KAZN: variants seen among roughly 807,000 people sequenced by gnomAD.
The protein encoded by KAZN is kazrin, periplakin interacting protein.
A neutral mutation model predicts 87.4 loss-of-function variants in KAZN; 40 were observed. That is an observed-to-expected ratio of 0.46 (90% CI 0.36 to 0.60). The LOEUF is 0.60. Among genes scored for constraint, KAZN ranks in the 20% least tolerant of loss-of-function variants. The pLI, the probability that KAZN is intolerant of heterozygous loss-of-function variation, is 0.00. For synonymous variants in KAZN, 466 were observed against 458.3 expected (o/e 1.02, Z -0.22); for missense variants, 898 against 1,073.9 (o/e 0.84, Z 2.29).
chr1:14,938,280 G>A (rs1040026051), intron 1 of KAZN, among the ~76,000 whole-genome samples: 1 of 152,158 alleles, frequency 6.6e-6, no homozygotes, highest in African/African-American at 2.4e-5. Context: ...GGTGGCTCAC[G>A]CCTGTAATCC....
At chr1:15,053,259 G>A (rs888926579) in intron 4 of KAZN, among the ~76,000 whole-genome samples, 7 of 152,316 alleles carry the variant, frequency 4.6e-5, no homozygotes, top group Middle Eastern at 3.4e-3. Flanking sequence ...GGCAGGTGCC[G>A]CCACCGACTC....
At chr1:14,667,925 A>C (rs1355391275) in intron 1 of KAZN, among the ~76,000 whole-genome samples, 1 of 152,114 alleles carries the variant, frequency 6.6e-6, no homozygotes, top group African/African-American at 2.4e-5. Context: ...GATTCTCTAC[A>C]CTTAACACCT....
chr1:14,665,932 CAAAAAAA>C (rs60081619), intron 1 of KAZN, among the ~76,000 whole-genome samples: 1 of 108,028 alleles, frequency 9.3e-6, no homozygotes, highest in East Asian at 2.6e-4. Context: ...AAGCTTTGCT[CAAAAAAA>C]AAAAAAAAAA....
intron 2 of KAZN, among the ~76,000 whole-genome samples, chr1:14,347,644 C>T (rs1329554329): frequency 6.6e-6 from 1 of 151,988 alleles, no homozygotes; most frequent in African/African-American, 2.4e-5. Flanking sequence ...TACAATGAGT[C>T]CATTTGTATG....
chr1:14,456,401 C>T lies in KAZN; in HGVS notation c.250-142582C>T, dbSNP rs541786202. Reference sequence around the variant, plus strand: ...AGGAATAGTACTCTTAGTAGATATTCGAAAAATATTTGTTGAGTTTTTTTT... The same window carrying T: ...AGGAATAGTACTCTTAGTAGATATTTGAAAAATATTTGTTGAGTTTTTTTT... On this transcript the variant is annotated intron_variant, in intron 2 of 16. Coordinates refer to the KAZN transcript ENST00000636203. Among the ~76,000 whole-genome samples, 109 of 151,896 alleles carry T rather than the reference C, an allele frequency of 7.2e-4. No homozygotes were observed. The South Asian group carries it at 0.014, about 20-fold the overall frequency.
chr1:14,499,750 G>A (rs2148424968), intron 2 of KAZN, among the ~76,000 whole-genome samples: 1 of 152,260 alleles, frequency 6.6e-6, no homozygotes, highest in South Asian at 2.1e-4. Flanking sequence ...CACAGTCCTG[G>A]CAGTGACCCT....
At chr1:14,870,923 C>T (rs1395062373) in intron 1 of KAZN, among the ~76,000 whole-genome samples, 3 of 152,172 alleles carry the variant, frequency 2.0e-5, no homozygotes, top group Non-Finnish European at 4.4e-5. Context: ...TATGAATGGC[C>T]GCCTCCACAC....
intron 1 of KAZN, among the ~76,000 whole-genome samples, chr1:14,865,159 TGCCCAAGGTCAGGGAC>T: frequency 6.6e-6 from 1 of 152,306 alleles, no homozygotes; most frequent in East Asian, 1.9e-4. Flanking sequence ...CTCTGCCTCT[TGCCCAAGGTCAGGGAC>T]ACCGTTCTCA....
In KAZN at chr1:14,344,163, C is replaced by CTTTTTT. The variant is rs55837460; in HGVS notation, c.249+163583_249+163588dup. Among the ~76,000 whole-genome samples, 106 of 122,596 alleles carry CTTTTTT rather than the reference C, an allele frequency of 8.6e-4. 2 individuals carry two copies. Among genetic ancestry groups the CTTTTTT allele is most frequent in the African/African-American group, 2.3e-3 (76 of 32,948 alleles). The allele number at this position is 122,596 out of a possible 152,430, so 80.4% of individuals were successfully genotyped here. A position where few individuals can be genotyped will look rare whatever the true frequency, so the allele number is the denominator to read the frequency against. ...TGATTCACTTATCCATTCATGTATT[C>CTTTTTT]TTTTTTTTTTTTTTTTTGACAAATA... On this transcript the variant is annotated intron_variant, in intron 2 of 16. Transcript: ENST00000636203.
At chr1:14,469,178 G>A (rs1375059025) in intron 2 of KAZN, among the ~76,000 whole-genome samples, 1 of 151,924 alleles carries the variant, frequency 6.6e-6, no homozygotes, top group African/African-American at 2.4e-5. Flanking sequence ...AAAAAGGTGG[G>A]GTGCTACAAC....
At chr1:14,808,490 G>A (rs1161489375) in intron 1 of KAZN, among the ~76,000 whole-genome samples, 1 of 151,156 alleles carries the variant, frequency 6.6e-6, no homozygotes, top group East Asian at 1.9e-4. Flanking sequence ...TAGAGACGGG[G>A]TTTCACCATG....
intron 1 of KAZN, among the ~76,000 whole-genome samples, chr1:14,095,480 A>G (rs1388657569): frequency 6.6e-6 from 1 of 152,228 alleles, no homozygotes; most frequent in Non-Finnish European, 1.5e-5. Flanking sequence ...CACAGATTCT[A>G]CAGATCAAGA....
chr1:14,014,009 G>A (rs375535301), intron 1 of KAZN, among the ~76,000 whole-genome samples: 7 of 152,294 alleles, frequency 4.6e-5, no homozygotes, highest in East Asian at 1.9e-4. Context: ...AGGAACGGGT[G>A]TTGCTTGTCC....
chr1:14,385,291 A>AT (rs1044674960), intron 2 of KAZN, among the ~76,000 whole-genome samples: 36 of 151,946 alleles, frequency 2.4e-4, no homozygotes, highest in African/African-American at 8.5e-4. Flanking sequence ...TTTTTGAAAG[A>AT]TTTTTTGTGT....
chr1:14,691,187 TCAGG>T (rs2148784663), intron 1 of KAZN, among the ~76,000 whole-genome samples: 1 of 152,332 alleles, frequency 6.6e-6, no homozygotes, highest in South Asian at 2.1e-4. Flanking sequence ...CTTTTAAGTT[TCAGG>T]TGGGGAAAAA....
At chr1:14,464,054 T>TG in intron 2 of KAZN, among the ~76,000 whole-genome samples, 1 of 152,294 alleles carries the variant, frequency 6.6e-6, no homozygotes, top group Admixed American at 6.5e-5. Context: ...CCAAGTAGTG[T>TG]GGGGCAGTGA....
At chr1:14,967,201 C>T (rs1034483795) in intron 2 of KAZN, among the ~76,000 whole-genome samples, 1 of 152,130 alleles carries the variant, frequency 6.6e-6, no homozygotes, top group African/African-American at 2.4e-5. Context: ...GTTTCCCTCC[C>T]TCTCCCTCCC....
chr1:14,847,869 T>C (rs61772353), intron 1 of KAZN, among the ~76,000 whole-genome samples: 8,321 of 152,178 alleles, frequency 0.055, 326 homozygotes, highest in Admixed American at 0.11. Context: ...AGTCCTAGTT[T>C]CTTGGGAGGC....
intron 2 of KAZN, among the ~76,000 whole-genome samples, chr1:14,211,018 G>A (rs1646842538): frequency 6.6e-6 from 1 of 151,986 alleles, no homozygotes; most frequent in South Asian, 2.1e-4. Flanking sequence ...TATAAAAATA[G>A]TCTTTACCTC....
Sources: allele counts gnomAD v4.1 joint callset (sites outside exome capture counted in the v4.1 genomes callset), GRCh38; gene constraint gnomAD v4.1.1; transcripts MANE v1.5; gene names NCBI Gene and HGNC (gene_info 2026-07-23, HGNC 2026-07-21).